RAP1GAP2: variants seen among roughly 807,000 people sequenced by gnomAD.
RAP1GAP2 encodes RAP1 GTPase activating protein 2.
RAP1GAP2 carries 27 observed loss-of-function variants against 95.0 expected under a neutral mutation model. That is an observed-to-expected ratio of 0.28 (90% CI 0.21 to 0.39). The LOEUF (loss-of-function observed/expected upper bound fraction) is 0.39, where lower values mean the gene tolerates loss of function less well. Ranked by LOEUF, RAP1GAP2 falls within the 10% of genes least tolerant of loss-of-function variation. The pLI is 1.00. For synonymous variants in RAP1GAP2, 373 were observed against 380.9 expected (o/e 0.98, Z 0.24); for missense variants, 771 against 970.0 (o/e 0.79, Z 2.72).
chr17:2,932,969 C>T (rs573593513), intron 3 of RAP1GAP2, among the ~76,000 whole-genome samples: 4 of 151,976 alleles, frequency 2.6e-5, no homozygotes, highest in South Asian at 2.1e-4. Context: ...GCTGGGATTG[C>T]GGGAGGAGGG....
intron 4 of RAP1GAP2, among the ~76,000 whole-genome samples, 162 bp downstream of exon 4, chr17:2,957,956 C>T (rs1351279585): frequency 6.6e-6 from 1 of 152,088 alleles, no homozygotes; most frequent in Non-Finnish European, 1.5e-5. Flanking sequence ...GGCCATTTTG[C>T]TGTTGAGGGG....
chr17:2,762,606 G>T (rs2071276416), intron 1 of RAP1GAP2, among the ~76,000 whole-genome samples: 2 of 150,394 alleles, frequency 1.3e-5, no homozygotes, highest in Non-Finnish European at 3.0e-5. Context: ...TCACCATGCT[G>T]GCCAAGCTGG....
At position 3,034,610 on chromosome 17, in the gene RAP1GAP2, A is replaced by C. The variant is rs1361699372; in HGVS notation, c.*1249A>C. ...AGCTGCGGGTCTGTAGGCAGCTGTCACATCTGAAGGGTTTCTGCAACCTGG... is the reference window on the plus strand; with the variant it reads ...AGCTGCGGGTCTGTAGGCAGCTGTCCCATCTGAAGGGTTTCTGCAACCTGG... On this transcript the variant is annotated 3_prime_UTR_variant, in exon 25 of 25. Coordinates refer to ENST00000254695, the MANE Select transcript of RAP1GAP2 (RefSeq NM_015085.5). This position sits in a 1 kb window ranked among gnomAD's most constrained non-coding sequence, Gnocchi z 5.1. 6.5e-6 allele frequency: 1 copy of C among 153,228 alleles called. No individual in the cohort carries two copies. The highest frequency in any genetic ancestry group is 1.5e-5 in the Non-Finnish European group (1 of 68,374). The allele number at this position is 153,228 out of a possible 1,614,324, so 9.5% of individuals were successfully genotyped here. A position where few individuals can be genotyped will look rare whatever the true frequency, so the allele number is the denominator to read the frequency against.
intron 3 of RAP1GAP2, among the ~76,000 whole-genome samples, chr17:2,938,175 T>C (rs1467929073): frequency 6.6e-6 from 1 of 152,180 alleles, no homozygotes; most frequent in East Asian, 1.9e-4. Context: ...ACAGCCACTT[T>C]GCAGAGTGGC....
intron 2 of RAP1GAP2, among the ~76,000 whole-genome samples, chr17:2,886,234 G>A (rs930106125): frequency 6.7e-6 from 1 of 149,088 alleles, no homozygotes; most frequent in Admixed American, 6.8e-5. Flanking sequence ...GTGCAGTGGT[G>A]CGATCTCAGC....
chr17:2,964,092 C>T, intron 7 of RAP1GAP2, 24 bp downstream of exon 7: 2 of 1,494,092 alleles, frequency 1.3e-6, no homozygotes, highest in Non-Finnish European at 1.8e-6. Flanking sequence ...AGAGGAGCTG[C>T]TGGGGGTTGG....
intron 3 of RAP1GAP2, among the ~76,000 whole-genome samples, chr17:2,940,377 TCC>T (rs1386761820): frequency 6.6e-6 from 1 of 152,204 alleles, no homozygotes; most frequent in African/African-American, 2.4e-5. Flanking sequence ...ACTTCTGTGT[TCC>T]TCTGGGAAGG....
Position 2,915,069 on chromosome 17 carries a change from C to T in RAP1GAP2, c.165+9701C>T, listed in dbSNP as rs148639334. On this transcript the variant is annotated intron_variant, in intron 3 of 24. Transcript: ENST00000254695. Reference sequence around the variant, plus strand: ...CCTCCCAAAGTGCTGGGATTACAGACGTGAGCCACTGCGTCCGGCCTTCTT... The same window carrying T: ...CCTCCCAAAGTGCTGGGATTACAGATGTGAGCCACTGCGTCCGGCCTTCTT... Among the ~76,000 whole-genome samples, 1,277 of 151,704 alleles carry T rather than the reference C, an allele frequency of 8.4e-3. 21 individuals carry two copies. Among genetic ancestry groups the T allele is most frequent in the African/African-American group, 0.029 (1,179 of 41,334 alleles).
At chr17:2,835,315 G>A (rs1290707474) in intron 2 of RAP1GAP2, among the ~76,000 whole-genome samples, 2 of 152,078 alleles carry the variant, frequency 1.3e-5, no homozygotes, top group Admixed American at 1.3e-4. Flanking sequence ...CACCTCACGG[G>A]TTCAAGCGAT....
chr17:2,919,467 C>T (rs1382215921), intron 3 of RAP1GAP2, among the ~76,000 whole-genome samples: 1 of 152,140 alleles, frequency 6.6e-6, no homozygotes, highest in Non-Finnish European at 1.5e-5. Context: ...TCATAAGTTT[C>T]TTTCCTAACT....
chr17:2,845,734 G>A (rs1267411129), intron 2 of RAP1GAP2, among the ~76,000 whole-genome samples: 18 of 151,816 alleles, frequency 1.2e-4, no homozygotes, highest in Non-Finnish European at 1.6e-4. Flanking sequence ...GGTGGTAGGC[G>A]CCTGTAATCC....
chr17:2,766,788 G>A lies in RAP1GAP2; in HGVS notation c.51-3541G>A, dbSNP rs554927400. ...GACATCCCAGCCTCCAGAACTGAGA[G>A]ATACATTTCTGTCATTTAAGCCATG... On this transcript the variant is annotated intron_variant, in intron 1 of 25. Coordinates refer to the RAP1GAP2 transcript ENST00000637138. Among the ~76,000 whole-genome samples, 5 of 152,304 alleles carry A rather than the reference G, an allele frequency of 3.3e-5. 1 individual carries two copies. The highest frequency in any genetic ancestry group is 9.6e-5 in the African/African-American group (4 of 41,588).
intron 1 of RAP1GAP2, chr17:2,755,914 G>C (rs571218291): frequency 3.5e-6 from 1 of 285,906 alleles, no homozygotes; most frequent in Non-Finnish European, 6.5e-6. Context: ...CCGGCTGCCT[G>C]GTCCCCACCA....
chr17:2,876,030 C>CG, intron 2 of RAP1GAP2, among the ~76,000 whole-genome samples: 1 of 151,966 alleles, frequency 6.6e-6, no homozygotes, highest in African/African-American at 2.4e-5. Flanking sequence ...CTCCGCCCCC[C>CG]GGGTTCACGC....
In RAP1GAP2 at chr17:2,871,408, GC is replaced by G; in HGVS notation, c.81-33874del. On this transcript the variant is annotated intron_variant, in intron 2 of 24. Coordinates refer to ENST00000254695, the MANE Select transcript of RAP1GAP2 (RefSeq NM_015085.5). This position sits in a 1 kb window ranked among gnomAD's most constrained non-coding sequence, Gnocchi z 5.0. ...CTATGTGCAGGGGTGGGAGCGGGGA[GC>G]CATGATTGGCCCAGGGAGAGTCAGG... Among the ~76,000 whole-genome samples, 1 of 152,286 alleles carries G rather than the reference GC, an allele frequency of 6.6e-6. No individual in the cohort carries two copies. Among genetic ancestry groups the G allele is most frequent in the East Asian group, 1.9e-4 (1 of 5,176 alleles).
upstream of RAP1GAP2, among the ~76,000 whole-genome samples, chr17:2,795,099 A>G (rs902226664): frequency 6.6e-6 from 1 of 151,644 alleles, no homozygotes; most frequent in African/African-American, 2.4e-5. Flanking sequence ...GCTGGTCTCG[A>G]ACTCCTGACC....
At chr17:2,901,701 A>G (rs181761150) in intron 2 of RAP1GAP2, among the ~76,000 whole-genome samples, 5 of 152,138 alleles carry the variant, frequency 3.3e-5, no homozygotes, top group Admixed American at 3.3e-4. Flanking sequence ...AAAAAGGGAT[A>G]AAACTGCATC....
intron 2 of RAP1GAP2, among the ~76,000 whole-genome samples, chr17:2,842,284 C>T (rs2071399524): frequency 6.6e-6 from 1 of 152,036 alleles, no homozygotes; most frequent in African/African-American, 2.4e-5. Flanking sequence ...GGCTCATGCA[C>T]TTTGGGAGGG....
chr17:2,815,869 C>G (rs17762324), intron 2 of RAP1GAP2, among the ~76,000 whole-genome samples: 1 of 152,218 alleles, frequency 6.6e-6, no homozygotes, highest in African/African-American at 2.4e-5. Flanking sequence ...GGCGTACCTA[C>G]GCAGGCACAC....
Sources: gnomAD v4.1 joint callset for allele counts (sites outside exome capture counted in the v4.1 genomes callset) on GRCh38, gnomAD v4.1.1 for gene constraint, Gnocchi (gnomAD v3.1) non-coding constraint, MANE v1.5 for transcripts, NCBI Gene and HGNC (gene_info 2026-07-23, HGNC 2026-07-21) for gene names.